LHFPL3: variants seen among roughly 807,000 people sequenced by gnomAD.
LHFPL3 encodes the protein LHFPL tetraspan subfamily member 3 protein.
Under a neutral mutation model 19.3 loss-of-function variants are expected in LHFPL3, and 5 were observed. That is an observed-to-expected ratio of 0.26 (90% CI 0.14 to 0.54). The LOEUF is 0.54. LHFPL3 is among the 20% of genes least tolerant of loss of function. LHFPL3 has a pLI of 0.94. For missense variants in LHFPL3, 249 were observed against 307.4 expected (o/e 0.81, Z 1.42); for synonymous variants, 133 against 126.2 (o/e 1.05, Z -0.36).
intron 1 of LHFPL3, among the ~76,000 whole-genome samples, chr7:104,500,660 A>G (rs921894050): frequency 6.6e-6 from 1 of 152,120 alleles, no homozygotes; most frequent in Admixed American, 6.5e-5. Flanking sequence ...CCTGCTTCAC[A>G]TCTTTTGCAC....
intron 1 of LHFPL3, among the ~76,000 whole-genome samples, chr7:104,370,067 A>G (rs1033460789): frequency 2.0e-5 from 3 of 152,206 alleles, no homozygotes; most frequent in African/African-American, 7.2e-5. Flanking sequence ...CCAGAAAAGA[A>G]CACAAATGTT....
chr7:104,837,935 A>G (rs1294802202), intron 2 of LHFPL3, among the ~76,000 whole-genome samples: 1 of 152,224 alleles, frequency 6.6e-6, no homozygotes, highest in Non-Finnish European at 1.5e-5. Flanking sequence ...CATGCCTTCA[A>G]TATAACCTTC....
At chr7:104,832,752 G>A (rs1026080550) in intron 2 of LHFPL3, among the ~76,000 whole-genome samples, 2 of 148,762 alleles carry the variant, frequency 1.3e-5, no homozygotes, top group African/African-American at 5.0e-5. Context: ...TGAGGCAGGT[G>A]GATCACTTGA....
chr7:104,862,268 C>T (rs191794048), intron 2 of LHFPL3, among the ~76,000 whole-genome samples: 11 of 152,182 alleles, frequency 7.2e-5, no homozygotes, highest in Admixed American at 7.2e-4. Context: ...GTTAGAATCC[C>T]CTATGCCCTG....
chr7:104,481,745 GA>G (rs1450239628), intron 1 of LHFPL3, among the ~76,000 whole-genome samples: 4 of 152,184 alleles, frequency 2.6e-5, no homozygotes, highest in Admixed American at 2.6e-4. Flanking sequence ...CAATGCTCCT[GA>G]AATTATAGCC....
intron 1 of LHFPL3, among the ~76,000 whole-genome samples, chr7:104,344,514 A>G (rs915325764): frequency 6.6e-6 from 1 of 152,164 alleles, no homozygotes; most frequent in Admixed American, 6.5e-5. Context: ...AACATACGGT[A>G]TTTGGTTTTC....
At chr7:104,648,728 C>G (rs1009993479) in intron 1 of LHFPL3, among the ~76,000 whole-genome samples, 1 of 152,174 alleles carries the variant, frequency 6.6e-6, no homozygotes, top group Non-Finnish European at 1.5e-5. Flanking sequence ...CCATATAAAT[C>G]CTCACAATGG....
At chr7:104,350,760 C>A (rs1276449754) in intron 1 of LHFPL3, among the ~76,000 whole-genome samples, 1 of 152,138 alleles carries the variant, frequency 6.6e-6, no homozygotes, top group East Asian at 1.9e-4. Context: ...GTCTCTTTGG[C>A]CGAGCACAAT....
At chr7:104,581,153 G>T (rs549716476) in intron 1 of LHFPL3, among the ~76,000 whole-genome samples, 3 of 152,106 alleles carry the variant, frequency 2.0e-5, no homozygotes, top group African/African-American at 7.2e-5. Context: ...AGCAGTGTAT[G>T]AGAATTCCAG....
intron 2 of LHFPL3, among the ~76,000 whole-genome samples, chr7:104,880,784 T>C (rs1346346828): frequency 2.0e-5 from 3 of 152,228 alleles, no homozygotes; most frequent in African/African-American, 7.2e-5. Context: ...AAAATAATAG[T>C]AATGTTGTTT....
chr7:104,573,664 C>T (rs1446866762), intron 1 of LHFPL3, among the ~76,000 whole-genome samples: 1 of 152,154 alleles, frequency 6.6e-6, no homozygotes, highest in Non-Finnish European at 1.5e-5. Context: ...ACAGCCAGGG[C>T]CTGGGTAAAG....
At chr7:104,780,673 C>T (rs1794702944) in intron 2 of LHFPL3, among the ~76,000 whole-genome samples, 1 of 152,164 alleles carries the variant, frequency 6.6e-6, no homozygotes, top group South Asian at 2.1e-4. Context: ...ACAGCTGGTC[C>T]ACAGTCTGCC....
At chr7:104,845,493 C>T in intron 2 of LHFPL3, 1 of 1,510,368 alleles carries the variant, frequency 6.6e-7, no homozygotes, top group East Asian at 2.5e-5. Flanking sequence ...TCTGTTCCCG[C>T]ATGTTTTCTC....
intron 1 of LHFPL3, among the ~76,000 whole-genome samples, chr7:104,563,881 T>A (rs1026175014): frequency 6.6e-6 from 1 of 152,240 alleles, no homozygotes; most frequent in Non-Finnish European, 1.5e-5. Context: ...GACAGCTGGA[T>A]AAACAGAAAT....
chr7:104,404,012 G>A (rs538663139), intron 1 of LHFPL3, among the ~76,000 whole-genome samples: 6 of 152,252 alleles, frequency 3.9e-5, no homozygotes, highest in Admixed American at 6.5e-5. Context: ...ATTTGTTTAC[G>A]TACTGTCTGT....
At chr7:104,400,306 A>G (rs1451204943) in intron 1 of LHFPL3, among the ~76,000 whole-genome samples, 3 of 152,000 alleles carry the variant, frequency 2.0e-5, no homozygotes, top group Admixed American at 6.6e-5. Flanking sequence ...CTAATTAACT[A>G]TTGTTGGAAA....
intron 2 of LHFPL3, among the ~76,000 whole-genome samples, chr7:104,779,602 T>C (rs1375682186): frequency 6.6e-6 from 1 of 152,206 alleles, no homozygotes; most frequent in African/African-American, 2.4e-5. Context: ...GCCGTTCTGA[T>C]AGTCAACAGA....
intron 1 of LHFPL3, among the ~76,000 whole-genome samples, chr7:104,554,640 CAGAT>C (rs55796324): frequency 0.3 from 43,589 of 143,622 alleles, 6,554 homozygotes; most frequent in South Asian, 0.39. Context: ...ATTAGATAGA[CAGAT>C]AGATAGATAG....
intron 1 of LHFPL3, among the ~76,000 whole-genome samples, chr7:104,573,459 C>A (rs1176529691): frequency 2.0e-5 from 3 of 149,652 alleles, no homozygotes; most frequent in African/African-American, 7.3e-5. Flanking sequence ...ATTAAGTAAA[C>A]AATGCACAGG....
Sources: allele counts gnomAD v4.1 joint callset (sites outside exome capture counted in the v4.1 genomes callset), GRCh38; gene constraint gnomAD v4.1.1; transcripts MANE v1.5; gene names NCBI Gene and HGNC (gene_info 2026-07-23, HGNC 2026-07-21).